RBM33: variants seen among roughly 807,000 people sequenced by gnomAD.
RBM33 encodes the protein RNA-binding protein 33.
RBM33 carries 28 observed loss-of-function variants against 132.6 expected under a neutral mutation model. The ratio of observed to expected loss-of-function variants is 0.21; its 90% CI spans 0.16 to 0.29. RBM33 has a LOEUF of 0.29. RBM33 is among the 10% of genes least tolerant of loss of function. The pLI is 1.00. For synonymous variants in RBM33, 634 were observed against 593.0 expected, an observed-to-expected ratio of 1.07 and a Z score of -1.01; for missense variants, 1,291 against 1,518.5, an observed-to-expected ratio of 0.85 and a Z score of 2.49.
At position 155,742,106 on chromosome 7, in the gene RBM33, G is replaced by A; in HGVS notation, c.2337G>A (p.Glu779=). ...AAGAAGAGGCAAAAACAGAAACAGA[G>A]GTAGGACACTGCTCTTATTAACAAA... ...QPKEEAKTET[E]FPDEDEETRL... is the part of the protein sequence containing the mutation. The change falls in exon 13 of 18, where the codon GAG becomes GAA. Residue 779 remains glutamate (E), a splice_region_variant and synonymous_variant. Coordinates refer to ENST00000401878, the MANE Select transcript of RBM33 (RefSeq NM_053043.3). 6.2e-7 allele frequency: 1 copy of A among 1,609,486 alleles called. No individual in the cohort carries two copies. The highest frequency in any genetic ancestry group is 8.5e-7 in the Non-Finnish European group (1 of 1,176,772).
rs763943439 is a variant in RBM33 at position 155,711,372 on chromosome 7, C to T, written c.1118C>T (p.Thr373Ile). The change falls in exon 8 of 18, where the codon ACC (threonine) becomes ATC (isoleucine). Residue 373 changes from threonine (T) to isoleucine (I), a missense_variant. By Grantham distance (89) the Thr-to-Ile change is moderately conservative (BLOSUM62 -1). Around this residue, in one of 7 missense-constraint regions of RBM33, gnomAD observed 146 missense variants for 137.1 expected, o/e 1.07. Coordinates refer to ENST00000401878, the MANE Select transcript of RBM33 (RefSeq NM_053043.3). Reference protein sequence around the residue: ...PQLETPRMMMTPPPVTPQQPK... With the variant: ...PQLETPRMMMIPPPVTPQQPK... ...CTAGAGACCCCAAGGATGATGATGA[C>T]CCCGCCACCCGTGACTCCACAGCAG... 2 of 1,588,584 alleles carry T rather than the reference C, an allele frequency of 1.3e-6. No homozygotes were observed. Among genetic ancestry groups the T allele is most frequent in the Non-Finnish European group, 1.7e-6 (2 of 1,167,704 alleles).
chr7:155,741,789 C>T (rs371775016), intron 12 of RBM33, 30 bp from the exon 13 acceptor site: 136 of 1,582,564 alleles, frequency 8.6e-5, no homozygotes, highest in Middle Eastern at 3.4e-4. Flanking sequence ...TTTCCACTTA[C>T]AATTAGAATC....
chr7:155,719,169 G>T (rs1309503877), intron 9 of RBM33, among the ~76,000 whole-genome samples: 2 of 151,398 alleles, frequency 1.3e-5, no homozygotes, highest in African/African-American at 4.9e-5. Context: ...TACTAAACTA[G>T]AGAGTACATT....
intron 14 of RBM33, among the ~76,000 whole-genome samples, chr7:155,748,516 G>T (rs957906585): frequency 6.6e-6 from 1 of 152,226 alleles, no homozygotes; most frequent in Non-Finnish European, 1.5e-5. Flanking sequence ...TTAGGTTTCT[G>T]TGAGTGTACT....
intron 16 of RBM33, among the ~76,000 whole-genome samples, chr7:155,772,600 A>G (rs1292088806): frequency 6.6e-6 from 1 of 152,216 alleles, no homozygotes; most frequent in East Asian, 1.9e-4. Context: ...TTTCCTGTTA[A>G]CTTAATGACA....
chr7:155,720,435 A>G (rs1800587445), intron 9 of RBM33, among the ~76,000 whole-genome samples: 1 of 152,192 alleles, frequency 6.6e-6, no homozygotes, highest in Admixed American at 6.5e-5. Context: ...TCTTGTTGGG[A>G]AGGAAAATAA....
At chr7:155,747,809 G>GT (rs1321586340) in intron 14 of RBM33, among the ~76,000 whole-genome samples, 1 of 152,230 alleles carries the variant, frequency 6.6e-6, no homozygotes, top group Non-Finnish European at 1.5e-5. Context: ...AAGATGTCTT[G>GT]TTCGTATTTC....
In RBM33 at chr7:155,712,488, GTATTT is replaced by G. The variant is rs1426633926; in HGVS notation, c.1201+1037_1201+1041del. ...TATTGTTTATTAGCAGTAAACATAA[GTATTT>G]TATGTGGCATGTTAGAAGATGAAAA... On this transcript the variant is annotated intron_variant, in intron 8 of 17. Coordinates refer to ENST00000401878, the MANE Select transcript of RBM33 (RefSeq NM_053043.3). Among the ~76,000 whole-genome samples the G allele has an allele frequency of 3.3e-5, 5 of 152,292 alleles. No individual in the cohort carries two copies. The East Asian group carries it at 9.6e-4, about 29-fold the overall frequency.
At chr7:155,661,752 T>C (rs762031508) in intron 1 of RBM33, among the ~76,000 whole-genome samples, 24 of 152,162 alleles carry the variant, frequency 1.6e-4, no homozygotes, top group Non-Finnish European at 3.1e-4. Context: ...TCATCATATT[T>C]TCTTTCGGTT....
In RBM33 at chr7:155,774,780, C is replaced by A. The variant is rs368552132; in HGVS notation, c.3464+133C>A. The A allele has an allele frequency of 1.2e-6, 1 of 845,328 alleles. No individual in the cohort carries two copies. The highest frequency in any genetic ancestry group is 2.0e-6 in the Non-Finnish European group (1 of 504,878). 52.4% of individuals were successfully genotyped at this position (845,328 alleles called of 1,614,324 possible). ...TGTAGAAGGACACTAGGGCACAAAG[C>A]GCAGACGGTGATCCTGTCATGAGGC... On this transcript the variant is annotated intron_variant, in intron 17 of 17. Transcript: ENST00000401878. This position sits in a 1 kb window ranked among gnomAD's most constrained non-coding sequence, Gnocchi z 4.2.
intron 14 of RBM33, among the ~76,000 whole-genome samples, chr7:155,753,235 C>T (rs1182380681): frequency 2.0e-5 from 3 of 152,326 alleles, no homozygotes; most frequent in East Asian, 1.9e-4. Flanking sequence ...TTCTTCTGGG[C>T]ATTATTTCCT....
At chr7:155,654,745 C>A (rs985394139) in intron 1 of RBM33, among the ~76,000 whole-genome samples, 9 of 152,180 alleles carry the variant, frequency 5.9e-5, no homozygotes, top group African/African-American at 2.2e-4. Context: ...AAATTTAAGT[C>A]ATTCATTAAT....
Position 155,766,715 on chromosome 7 carries a change from T to C in RBM33, c.3375+60T>C. The C allele has an allele frequency of 3.3e-6, 5 of 1,507,580 alleles. No homozygotes were observed. The South Asian group carries it at 6.0e-5, about 18-fold the overall frequency. The allele number at this position is 1,507,580 out of a possible 1,614,324, so 93.4% of individuals were successfully genotyped here. A position where few individuals can be genotyped will look rare whatever the true frequency, so the allele number is the denominator to read the frequency against. ...AGTTGTGTCCCAAGACAAAATCATT[T>C]CTTGATTTAAAACACAGTGCCCTTT... is the stretch of plus-strand genomic sequence containing the variant. On this transcript the variant is annotated intron_variant, in intron 16 of 17. Transcript: ENST00000401878.
intron 14 of RBM33, among the ~76,000 whole-genome samples, chr7:155,751,221 A>G (rs902834195): frequency 2.0e-5 from 3 of 152,166 alleles, no homozygotes; most frequent in Non-Finnish European, 4.4e-5. Flanking sequence ...AGTTGTTTAC[A>G]TTTTGTCAAG....
chr7:155,670,071 C>G (rs1009222514), intron 2 of RBM33, among the ~76,000 whole-genome samples: 8 of 152,212 alleles, frequency 5.3e-5, no homozygotes, highest in African/African-American at 1.9e-4. Context: ...AAGGCTGTAG[C>G]CAAGTGGCTG....
rs1585565312 is a variant in RBM33 at position 155,779,765 on chromosome 7, A to C, written c.*4724A>C. 6.6e-6 allele frequency: 1 copy of C among 151,824 alleles called. No individual in the cohort carries two copies. Among genetic ancestry groups the C allele is most frequent in the East Asian group, 1.9e-4 (1 of 5,146 alleles). The allele number at this position is 151,824 out of a possible 1,614,324, so 9.4% of individuals were successfully genotyped here. On this transcript the variant is annotated 3_prime_UTR_variant, in exon 18 of 18. Transcript: ENST00000401878. ...GCTAGAAAATGCTTTTAATGTCTCAACTCTCTCTTTTCTGTGTCATGTTTT... is the reference window on the plus strand; with the variant it reads ...GCTAGAAAATGCTTTTAATGTCTCACCTCTCTCTTTTCTGTGTCATGTTTT...
At chr7:155,717,233 T>C (rs907313263) in intron 8 of RBM33, among the ~76,000 whole-genome samples, 4 of 152,208 alleles carry the variant, frequency 2.6e-5, no homozygotes, top group Non-Finnish European at 4.4e-5. Flanking sequence ...CAGAAACTTA[T>C]TTTCTCGCAG....
chr7:155,724,003 A>G (rs1215352533), intron 9 of RBM33, among the ~76,000 whole-genome samples: 1 of 152,176 alleles, frequency 6.6e-6, no homozygotes, highest in African/African-American at 2.4e-5. Context: ...CTTAAACCTC[A>G]GTGTAGTTTG....
At chr7:155,740,998 A>C (rs1344921487) in intron 12 of RBM33, among the ~76,000 whole-genome samples, 1 of 152,162 alleles carries the variant, frequency 6.6e-6, no homozygotes, top group East Asian at 1.9e-4. Context: ...CAGTCATGTC[A>C]CTTAGCTGCT....
Sources: gnomAD v4.1 joint callset for allele counts (sites outside exome capture counted in the v4.1 genomes callset) on GRCh38, gnomAD v4.1.1 for gene constraint, gnomAD v4.1.1 regional missense constraint, Gnocchi (gnomAD v3.1) non-coding constraint, MANE v1.5 for transcripts, NCBI Gene and HGNC (gene_info 2026-07-23, HGNC 2026-07-21) for gene names.